Variants in CD8B2 observed in about 807,000 individuals in gnomAD.
CD8B2 encodes the protein T-cell surface glycoprotein CD8 beta-2 chain.
A neutral mutation model predicts 23.7 loss-of-function variants in CD8B2; 11 were observed. The ratio of observed to expected loss-of-function variants is 0.46; its 90% CI spans 0.29 to 0.77. The LOEUF is 0.77. Among genes scored for constraint, CD8B2 ranks in the 30% least tolerant of loss-of-function variants. The pLI is 0.09. For synonymous variants in CD8B2, 90 were observed against 109.3 expected (o/e 0.82, Z 1.10); for missense variants, 197 against 270.5 (o/e 0.73, Z 1.91).
At position 106,506,930 on chromosome 2, in the gene CD8B2, T is replaced by G; in HGVS notation, c.623T>G (p.Phe208Cys). ...RRARLRFMKQ[F>C]YK Reference sequence around the variant, plus strand: ...TCACAACTTGCTGTTGTTTTCAGATTTTACAAATGAGCAGAGAATACGGTT... The same window carrying G: ...TCACAACTTGCTGTTGTTTTCAGATGTTACAAATGAGCAGAGAATACGGTT... The change falls in exon 6 of 6, where the codon TTT becomes TGT. Residue 208 changes from phenylalanine to cysteine, a missense_variant and splice_region_variant. Transcript: ENST00000643224. 6.9e-6 allele frequency: 11 copies of G among 1,596,572 alleles called. 2 individuals carry two copies. The South Asian group carries it at 1.2e-4, about 18-fold the overall frequency.
chr2:106,508,462 G>T lies in CD8B2; in HGVS notation c.*1522G>T, dbSNP rs546699130. 2.0e-4 allele frequency: 30 copies of T among 152,234 alleles called. No individual in the cohort carries two copies. Among genetic ancestry groups the T allele is most frequent in the African/African-American group, 7.0e-4 (29 of 41,558 alleles). The allele number at this position is 152,234 out of a possible 1,614,324, so 9.4% of individuals were successfully genotyped here. The stretch of plus-strand genomic sequence containing the variant: ...GGAGTTAGAAAGGCATAGATGCAGT[G>T]TTACCGGAAGGAGGGCCTTGAGTGT... On this transcript the variant is annotated 3_prime_UTR_variant, in exon 6 of 6. Coordinates refer to ENST00000643224, the MANE Select transcript of CD8B2 (RefSeq NM_001349727.2).
chr2:106,530,481 C>T (rs1257660479), intron 5 of CD8B2, among the ~76,000 whole-genome samples: 1 of 152,062 alleles, frequency 6.6e-6, no homozygotes, highest in Admixed American at 6.5e-5. Flanking sequence ...CGGGTTCACG[C>T]CATTCTCCCG....
chr2:106,530,813 C>T (rs1679981423), intron 5 of CD8B2, among the ~76,000 whole-genome samples: 1 of 152,150 alleles, frequency 6.6e-6, no homozygotes, highest in Non-Finnish European at 1.5e-5. Flanking sequence ...TCTCACGAAA[C>T]CCAAGAAGGC....
chr2:106,496,388 A>T (rs1679300357), intron 3 of CD8B2, 126 bp downstream of exon 3: 1 of 1,441,490 alleles, frequency 6.9e-7, no homozygotes, highest in Non-Finnish European at 9.3e-7. Context: ...CCCCAGCCCA[A>T]GCTAGGGTCA....
intron 5 of CD8B2, among the ~76,000 whole-genome samples, chr2:106,524,903 A>T (rs1377090616): frequency 6.6e-6 from 1 of 152,132 alleles, no homozygotes; most frequent in East Asian, 1.9e-4. Context: ...CGTCCCTCCC[A>T]TACGCAGCCA....
chr2:106,521,348 G>C (rs895174276), intron 5 of CD8B2, among the ~76,000 whole-genome samples: 2 of 152,144 alleles, frequency 1.3e-5, no homozygotes, highest in African/African-American at 4.8e-5. Flanking sequence ...CTAGTCTCAG[G>C]TAGCCTTTTC....
intron 2 of CD8B2, 140 bp from the exon 3 acceptor site, chr2:106,496,033 A>G: frequency 7.1e-7 from 1 of 1,418,212 alleles, no homozygotes; most frequent in Non-Finnish European, 9.6e-7. Flanking sequence ...TCCCGAGCTC[A>G]AATGATCTCC....
In CD8B2 at chr2:106,507,594, T is replaced by A; in HGVS notation, c.*654T>A. 3.1e-6 allele frequency: 3 copies of A among 962,982 alleles called. No individual in the cohort carries two copies. Among genetic ancestry groups the A allele is most frequent in the Non-Finnish European group, 3.7e-6 (3 of 809,486 alleles). The allele number at this position is 962,982 out of a possible 1,614,324, so 59.7% of individuals were successfully genotyped here. Reference sequence around the variant, plus strand: ...TTCTACTCTCCCATGGCTTAATGCTTCTTTCATTTTCTGTTTGTTTTATAC... The same window carrying A: ...TTCTACTCTCCCATGGCTTAATGCTACTTTCATTTTCTGTTTGTTTTATAC... On this transcript the variant is annotated 3_prime_UTR_variant, in exon 6 of 6. Transcript: ENST00000643224.
chr2:106,506,158 G>A (rs112713444), intron 5 of CD8B2, among the ~76,000 whole-genome samples: 10 of 151,798 alleles, frequency 6.6e-5, no homozygotes, highest in Admixed American at 2.0e-4. Context: ...AGAAAGTTCC[G>A]TTCAAAATCT....
At chr2:106,494,453 A>ATTTCT (rs772359931) in intron 2 of CD8B2, among the ~76,000 whole-genome samples, 24 of 149,268 alleles carry the variant, frequency 1.6e-4, no homozygotes, top group Admixed American at 7.4e-4. Context: ...CAGCCTTAAT[A>ATTTCT]TTTCTTTTCT....
chr2:106,504,790 T>A (rs928198989), intron 5 of CD8B2, among the ~76,000 whole-genome samples: 1 of 152,212 alleles, frequency 6.6e-6, no homozygotes, highest in Non-Finnish European at 1.5e-5. Context: ...TCATCCCACC[T>A]ATTATTTCAT....
chr2:106,497,808 T>C (rs1679327711), intron 3 of CD8B2, among the ~76,000 whole-genome samples: 2 of 152,124 alleles, frequency 1.3e-5, no homozygotes, highest in Admixed American at 1.3e-4. Flanking sequence ...ACCTAAACGA[T>C]TTCAGGCAGA....
chr2:106,542,158 T>C (rs558208844), intron 5 of CD8B2, among the ~76,000 whole-genome samples: 3 of 152,262 alleles, frequency 2.0e-5, no homozygotes, highest in Non-Finnish European at 2.9e-5. Context: ...CTGTAGATCC[T>C]CAGGGACTTC....
At chr2:106,489,084 T>G (rs1238205810) in intron 1 of CD8B2, among the ~76,000 whole-genome samples, 2 of 138,724 alleles carry the variant, frequency 1.4e-5, no homozygotes, top group African/African-American at 2.7e-5. Context: ...CTCACTGCAA[T>G]CTCCGCCTCC....
downstream of CD8B2, among the ~76,000 whole-genome samples, chr2:106,511,826 T>C (rs1242354474): frequency 6.6e-6 from 1 of 152,144 alleles, no homozygotes; most frequent in African/African-American, 2.4e-5. Flanking sequence ...GTTACATAAC[T>C]CAAACAGAAG....
chr2:106,494,766 T>TG (rs1679266959), intron 2 of CD8B2, among the ~76,000 whole-genome samples: 1 of 152,152 alleles, frequency 6.6e-6, no homozygotes, highest in African/African-American at 2.4e-5. Context: ...GACAGGGGCT[T>TG]GGGGTCCCAA....
chr2:106,517,784 C>T (rs1679753111), intron 5 of CD8B2, among the ~76,000 whole-genome samples: 3 of 151,978 alleles, frequency 2.0e-5, no homozygotes, highest in African/African-American at 4.8e-5. Context: ...GCGATCTCGG[C>T]TCACTGCAAG....
downstream of CD8B2, among the ~76,000 whole-genome samples, chr2:106,513,373 C>T (rs1202561677): frequency 6.6e-6 from 1 of 152,118 alleles, no homozygotes; most frequent in African/African-American, 2.4e-5. Context: ...GCCTCAGTGC[C>T]TCACTGGCTG....
At position 106,491,014 on chromosome 2, in the gene CD8B2, A is replaced by C; in HGVS notation, c.184A>C (p.Ser62Arg). 1 of 1,614,006 alleles carries C rather than the reference A, an allele frequency of 6.2e-7. No homozygotes were observed. The highest frequency in any genetic ancestry group is 8.5e-7 in the Non-Finnish European group (1 of 1,179,866). The stretch of plus-strand genomic sequence containing the variant: ...CTGGCTGAGACAGCGCCAGGCCCCG[A>C]GCAGTGATAGTCACCACGAGTTCCT... ...IYWLRQRQAP[S>R]SDSHHEFLTL... The change falls in exon 2 of 6, where the codon AGC (serine) becomes CGC (arginine). Residue 62 changes from serine (S) to arginine (R), a missense_variant. By Grantham distance (110) the Ser-to-Arg change is moderately radical. This residue lies in a region of CD8B2 where 140 missense variants were observed against 164.2 expected (regional missense o/e 0.85). Transcript: ENST00000643224.
Sources: allele counts gnomAD v4.1 joint callset (sites outside exome capture counted in the v4.1 genomes callset), GRCh38; gene constraint gnomAD v4.1.1; regional missense constraint gnomAD v4.1.1; transcripts MANE v1.5; gene names NCBI Gene and HGNC (gene_info 2026-07-23, HGNC 2026-07-21).